The following KCNH5 variants were observed in gnomAD, a reference collection of about 807,000 sequenced individuals.
KCNH5 encodes voltage-gated delayed rectifier potassium channel KCNH5.
KCNH5 carries 46 observed loss-of-function variants against 96.1 expected under a neutral mutation model. The observed-to-expected ratio is 0.48, with a 90% CI of 0.38 to 0.61. KCNH5 has a LOEUF of 0.61. Ranked by LOEUF, KCNH5 falls within the 20% of genes least tolerant of loss-of-function variation. The pLI, the probability that KCNH5 is intolerant of heterozygous loss-of-function variation, is 0.00. For synonymous variants in KCNH5, 439 were observed against 449.8 expected, an observed-to-expected ratio of 0.98 and a Z score of 0.30; for missense variants, 907 against 1,225.8, an observed-to-expected ratio of 0.74 and a Z score of 3.88.
At chr14:62,815,588 ACAT>A (rs1261560527) in intron 8 of KCNH5, among the ~76,000 whole-genome samples, 5 of 152,128 alleles carry the variant, frequency 3.3e-5, no homozygotes, top group Admixed American at 2.6e-4. Flanking sequence ...TATACACAAA[ACAT>A]CACACTGTAT....
chr14:62,904,484 C>T (rs763658625), intron 7 of KCNH5, among the ~76,000 whole-genome samples: 6 of 152,150 alleles, frequency 3.9e-5, no homozygotes, highest in African/African-American at 1.4e-4. Context: ...ACACATGCCC[C>T]TACCTCTTCC....
chr14:62,929,235 G>T (rs1453625983), intron 7 of KCNH5, among the ~76,000 whole-genome samples: 1 of 151,906 alleles, frequency 6.6e-6, no homozygotes, highest in Non-Finnish European at 1.5e-5. Flanking sequence ...AGCAAATCTT[G>T]TTGGCTCTAT....
chr14:63,038,497 C>A (rs1891764799), intron 1 of KCNH5, among the ~76,000 whole-genome samples: 1 of 152,122 alleles, frequency 6.6e-6, no homozygotes, highest in East Asian at 1.9e-4. Context: ...GGGACCAGAC[C>A]CAAAGAGAGA....
chr14:62,910,005 G>A (rs1889118878), intron 7 of KCNH5, among the ~76,000 whole-genome samples: 1 of 151,576 alleles, frequency 6.6e-6, no homozygotes, highest in Non-Finnish European at 1.5e-5. Context: ...TGAGTGTTTT[G>A]TTCACTAACG....
At chr14:62,749,412 A>G (rs1441519005) in intron 10 of KCNH5, among the ~76,000 whole-genome samples, 3 of 152,174 alleles carry the variant, frequency 2.0e-5, no homozygotes, top group Non-Finnish European at 2.9e-5. Context: ...TTGGGGTACT[A>G]AGGAGAACTT....
At chr14:62,965,285 T>C (rs1277581702) in intron 6 of KCNH5, among the ~76,000 whole-genome samples, 1 of 152,088 alleles carries the variant, frequency 6.6e-6, no homozygotes, top group Non-Finnish European at 1.5e-5. Flanking sequence ...GTTTGAGTCA[T>C]GGGAGTGAAT....
chr14:62,724,472 G>C (rs1884881656), intron 10 of KCNH5, among the ~76,000 whole-genome samples: 1 of 152,126 alleles, frequency 6.6e-6, no homozygotes, highest in South Asian at 2.1e-4. Flanking sequence ...TTATTCCTAA[G>C]GTAACTTCTT....
At chr14:62,862,832 G>A (rs1193491468) in intron 7 of KCNH5, among the ~76,000 whole-genome samples, 1 of 152,186 alleles carries the variant, frequency 6.6e-6, no homozygotes, top group Non-Finnish European at 1.5e-5. Flanking sequence ...CAAGCTAAAT[G>A]AGCAGAAGAA....
chr14:62,822,668 G>GAAAA (rs60393982), intron 8 of KCNH5, among the ~76,000 whole-genome samples: 1 of 135,560 alleles, frequency 7.4e-6, no homozygotes, highest in African/African-American at 2.6e-5. Flanking sequence ...TACGTAAAAT[G>GAAAA]AAAAAAAAAA....
chr14:62,760,651 G>T (rs1439833898), intron 10 of KCNH5, among the ~76,000 whole-genome samples: 1 of 152,230 alleles, frequency 6.6e-6, no homozygotes, highest in Non-Finnish European at 1.5e-5. Flanking sequence ...ACCTGATTCA[G>T]AGAGAAGAGA....
At chr14:62,971,787 C>G (rs1890413035) in intron 6 of KCNH5, among the ~76,000 whole-genome samples, 1 of 151,614 alleles carries the variant, frequency 6.6e-6, no homozygotes, top group African/African-American at 2.4e-5. Context: ...AGTGATGAAA[C>G]AACTGGATAG....
Position 62,917,487 on chromosome 14 carries a change from G to T in KCNH5, c.1369+32646C>A, listed in dbSNP as rs184850086. ...CCTCTTTATTAGAAAAGCAAAATCT[G>T]ACCTGAAGACTGAAAGTGTCCTGTG... On this transcript the variant is annotated intron_variant, in intron 7 of 10. Coordinates refer to ENST00000322893, the MANE Select transcript of KCNH5 (RefSeq NM_139318.5). Among the ~76,000 whole-genome samples, 12 of 151,868 alleles carry T rather than the reference G, an allele frequency of 7.9e-5. No homozygotes were observed. The East Asian group carries it at 1.9e-3, about 24-fold the overall frequency.
chr14:62,819,719 T>C (rs1178817835), intron 8 of KCNH5, among the ~76,000 whole-genome samples: 1 of 152,158 alleles, frequency 6.6e-6, no homozygotes, highest in Admixed American at 6.5e-5. Context: ...AAAAATACTT[T>C]TTAAAATCTT....
At chr14:62,745,984 C>T (rs1012848200) in intron 10 of KCNH5, among the ~76,000 whole-genome samples, 5 of 152,118 alleles carry the variant, frequency 3.3e-5, no homozygotes, top group Admixed American at 1.3e-4. Flanking sequence ...AACAGAAGAG[C>T]GGGTTTCTGA....
chr14:62,984,601 C>T (rs961140642), intron 5 of KCNH5, among the ~76,000 whole-genome samples: 5 of 152,070 alleles, frequency 3.3e-5, no homozygotes, highest in East Asian at 1.9e-4. Context: ...TAAGAGCATG[C>T]GCTGCAGGTA....
intron 4 of KCNH5, among the ~76,000 whole-genome samples, chr14:63,000,431 TAA>T (rs1566535213): frequency 3.9e-4 from 59 of 152,182 alleles, no homozygotes; most frequent in African/African-American, 1.4e-3. Context: ...GAAAAGGAGG[TAA>T]AAGCACATGC....
intron 10 of KCNH5, among the ~76,000 whole-genome samples, chr14:62,714,626 CA>C (rs1315648612): frequency 6.6e-6 from 1 of 152,018 alleles, no homozygotes; most frequent in African/African-American, 2.4e-5. Flanking sequence ...CTCTAGAAAA[CA>C]AGCATTTTTT....
rs1352998443 is a variant in KCNH5 at position 62,980,935 on chromosome 14, A to C, written c.879T>G (p.Phe293Leu). ...GTAAACAAGACAGCAGATCGATCAC[A>C]AACCAAGTTTTCAGATAGTTCATCC... ...LIRMNYLKTW[F>L]VIDLLSCLPY... Residue 293 changes from phenylalanine (F) to leucine (L), a missense_variant, in exon 6 of 11, where the codon TTT (phenylalanine) becomes TTG (leucine). This residue lies in a region of KCNH5 where 370 missense variants were observed against 561.3 expected (regional missense o/e 0.66). Coordinates refer to ENST00000322893, the MANE Select transcript of KCNH5 (RefSeq NM_139318.5). 1 of 1,614,140 alleles carries C rather than the reference A, an allele frequency of 6.2e-7. No homozygotes were observed. The highest frequency in any genetic ancestry group is 1.1e-5 in the South Asian group (1 of 91,066).
chr14:62,779,992 C>T, intron 9 of KCNH5, 68 bp from the exon 10 acceptor site: 1 of 1,327,386 alleles, frequency 7.5e-7, no homozygotes. Context: ...TCTTGTTATT[C>T]AGTTTCATAT....
Sources: gnomAD v4.1 joint callset for allele counts (sites outside exome capture counted in the v4.1 genomes callset) on GRCh38, gnomAD v4.1.1 for gene constraint, gnomAD v4.1.1 regional missense constraint, MANE v1.5 for transcripts, NCBI Gene and HGNC (gene_info 2026-07-23, HGNC 2026-07-21) for gene names.